Variants in CEP83 observed in about 807,000 individuals in gnomAD.
CEP83 encodes centrosomal protein 83.
A neutral mutation model predicts 101.9 loss-of-function variants in CEP83; 70 were observed. The ratio of observed to expected loss-of-function variants is 0.69; its 90% CI spans 0.57 to 0.84. The LOEUF (loss-of-function observed/expected upper bound fraction) is 0.84, where lower values mean the gene tolerates loss of function less well. Among genes scored for constraint, CEP83 ranks in the 40% least tolerant of loss-of-function variants. CEP83 has a pLI of 0.00. For missense variants in CEP83, 715 were observed against 787.2 expected, an observed-to-expected ratio of 0.91 and a Z score of 1.10; for synonymous variants, 264 against 267.9, an observed-to-expected ratio of 0.99 and a Z score of 0.14.
At chr12:94,297,427 C>T in the CEP83 span, 2 of 1,602,922 alleles carry the variant, frequency 1.2e-6, no homozygotes, top group East Asian at 2.2e-5. Context: ...GACCAAGGTA[C>T]ACTTACTGTT....
chr12:94,300,050 G>GA, the CEP83 span, among the ~76,000 whole-genome samples: 1 of 152,200 alleles, frequency 6.6e-6, no homozygotes, highest in South Asian at 2.1e-4. Context: ...ATAATGGAAG[G>GA]ACTTTGAACC....
chr12:94,319,844 G>C (rs1190006336), intron 14 of CEP83, among the ~76,000 whole-genome samples: 1 of 152,164 alleles, frequency 6.6e-6, no homozygotes, highest in Non-Finnish European at 1.5e-5. Flanking sequence ...TTTGGATGTA[G>C]AGTTCTGTAG....
intron 2 of CEP83, among the ~76,000 whole-genome samples, chr12:94,419,068 C>G (rs1291536160): frequency 6.6e-6 from 1 of 151,298 alleles, no homozygotes; most frequent in Non-Finnish European, 1.5e-5. Flanking sequence ...AAAAAAAAAT[C>G]TTTATATACA....
At chr12:94,299,232 C>A in the CEP83 span, among the ~76,000 whole-genome samples, 5 of 152,182 alleles carry the variant, frequency 3.3e-5, no homozygotes, top group Non-Finnish European at 7.3e-5. Flanking sequence ...TACTCAGATA[C>A]TATGAGAATT....
intron 1 of CEP83, among the ~76,000 whole-genome samples, chr12:94,438,020 C>G (rs1159674170): frequency 6.6e-6 from 1 of 152,044 alleles, no homozygotes; most frequent in Non-Finnish European, 1.5e-5. Context: ...AGTTCAAGAC[C>G]AGCCTGGCCA....
At chr12:94,330,928 T>G (rs530779796) in intron 14 of CEP83, among the ~76,000 whole-genome samples, 1 of 152,186 alleles carries the variant, frequency 6.6e-6, no homozygotes, top group South Asian at 2.1e-4. Flanking sequence ...CAGCAAAATG[T>G]CATGCTTATA....
In CEP83 at chr12:94,368,162, T is replaced by G; in HGVS notation, c.1088A>C (p.Glu363Ala). 6.2e-7 allele frequency: 1 copy of G among 1,613,000 alleles called. No homozygotes were observed. Among genetic ancestry groups the G allele is most frequent in the Non-Finnish European group, 8.5e-7 (1 of 1,179,426 alleles). The change falls in exon 10 of 17, where the codon GAA becomes GCA. Residue 363 changes from glutamate to alanine, a missense_variant. Physicochemically the swap from Glu to Ala is moderately radical, Grantham distance 107. Coordinates refer to ENST00000397809, the MANE Select transcript of CEP83 (RefSeq NM_016122.3). ...TTCTACTAAGAGCACTTTGTGATGT[T>G]CAACAGCTGCTTTGAGAATTTCATT... is the stretch of plus-strand genomic sequence containing the variant. Reference protein sequence around the residue: ...SDNEILKAAVEHHKVLLVEKD... With the variant: ...SDNEILKAAVAHHKVLLVEKD...
chr12:94,280,810 GT>G, the CEP83 span, among the ~76,000 whole-genome samples: 1 of 152,220 alleles, frequency 6.6e-6, no homozygotes, highest in Non-Finnish European at 1.5e-5. Context: ...TGATGAGTAG[GT>G]AGTAGCATCC....
rs960258866 is a variant in CEP83, at chr12:94,442,225, C to T, written c.-154-6898G>A. Among the ~76,000 whole-genome samples, 7 of 151,820 alleles carry T rather than the reference C, an allele frequency of 4.6e-5. 1 individual carries two copies. In the South Asian group the frequency reaches 6.4e-4, roughly 14 times the overall value. On this transcript the variant is annotated intron_variant, in intron 1 of 16. Coordinates refer to ENST00000397809, the MANE Select transcript of CEP83 (RefSeq NM_016122.3). ...ATTGGAGGCCATTATTCACAGCAACCGAGATGGAATTGGAGGCCATTATTC... is the reference window on the plus strand; with the variant it reads ...ATTGGAGGCCATTATTCACAGCAACTGAGATGGAATTGGAGGCCATTATTC...
At chr12:94,417,491 T>C (rs1364221609) in intron 2 of CEP83, among the ~76,000 whole-genome samples, 3 of 152,042 alleles carry the variant, frequency 2.0e-5, no homozygotes, top group Non-Finnish European at 2.9e-5. Flanking sequence ...CAAGTTTCGA[T>C]AGAGAACCAC....
chr12:94,349,695 T>C (rs2060114233), intron 11 of CEP83, among the ~76,000 whole-genome samples: 1 of 152,236 alleles, frequency 6.6e-6, no homozygotes, highest in Non-Finnish European at 1.5e-5. Context: ...AATGTTTTCC[T>C]TTAAGATCAG....
intron 15 of CEP83, among the ~76,000 whole-genome samples, chr12:94,311,601 G>T (rs1311982860): frequency 6.6e-6 from 1 of 152,104 alleles, no homozygotes; most frequent in African/African-American, 2.4e-5. Context: ...CCATGTATAG[G>T]AAAAAACCCC....
chr12:94,301,033 T>C, the CEP83 span: 84 of 1,613,860 alleles, frequency 5.2e-5, no homozygotes, highest in East Asian at 6.7e-4. Context: ...ATGCATTTTC[T>C]CTCACAGAGC....
At chr12:94,447,784 T>C (rs2066916780) in intron 1 of CEP83, among the ~76,000 whole-genome samples, 2 of 152,024 alleles carry the variant, frequency 1.3e-5, no homozygotes, top group African/African-American at 4.8e-5. Flanking sequence ...TGAAGGAGAC[T>C]GTAATTAAGT....
chr12:94,393,958 C>A (rs1046624273), intron 6 of CEP83, among the ~76,000 whole-genome samples: 3 of 152,152 alleles, frequency 2.0e-5, no homozygotes, highest in Non-Finnish European at 4.4e-5. Flanking sequence ...CAAACCACTG[C>A]TCAACGAAAT....
At chr12:94,393,813 A>G (rs2062715899) in intron 6 of CEP83, among the ~76,000 whole-genome samples, 1 of 152,226 alleles carries the variant, frequency 6.6e-6, no homozygotes. Flanking sequence ...AATCACAAGC[A>G]TTCCTATACA....
chr12:94,405,149 A>C (rs1325398366), intron 4 of CEP83, among the ~76,000 whole-genome samples: 5 of 152,206 alleles, frequency 3.3e-5, no homozygotes, highest in African/African-American at 1.2e-4. Flanking sequence ...ATGAGGTAGC[A>C]ATTAAAAGGA....
chr12:94,418,213 T>G (rs1003595892), intron 2 of CEP83, among the ~76,000 whole-genome samples: 1 of 151,976 alleles, frequency 6.6e-6, no homozygotes, highest in African/African-American at 2.4e-5. Context: ...AACACAAAAA[T>G]TAGCCAGGTG....
intron 5 of CEP83, among the ~76,000 whole-genome samples, chr12:94,401,635 G>A (rs565589918): frequency 7.9e-5 from 12 of 152,218 alleles, no homozygotes; most frequent in Middle Eastern, 3.4e-3. Context: ...CAGGAAATTC[G>A]ATAACAAGGA....
Sources: allele counts gnomAD v4.1 joint callset (sites outside exome capture counted in the v4.1 genomes callset), GRCh38; gene constraint gnomAD v4.1.1; transcripts MANE v1.5; gene names NCBI Gene and HGNC (gene_info 2026-07-23, HGNC 2026-07-21).